Variants in RNF170 observed in about 807,000 individuals in gnomAD.
The protein encoded by RNF170 is ring finger protein 170.
A neutral mutation model predicts 32.7 loss-of-function variants in RNF170; 12 were observed. The ratio of observed to expected loss-of-function variants is 0.37; its 90% confidence interval spans 0.24 to 0.60. RNF170 has a LOEUF of 0.60. Ranked by LOEUF, RNF170 falls within the 20% of genes least tolerant of loss-of-function variation. The pLI, the probability that RNF170 is intolerant of heterozygous loss-of-function variation, is 0.72. For missense variants in RNF170, 212 were observed against 311.2 expected (o/e 0.68, Z 2.40); for synonymous variants, 91 against 103.6 (o/e 0.88, Z 0.74).
At chr8:42,888,317 G>A (rs952642285) in intron 1 of RNF170, among the ~76,000 whole-genome samples, 1 of 151,920 alleles carries the variant, frequency 6.6e-6, no homozygotes, top group African/African-American at 2.4e-5. Context: ...ACCTGCCTCG[G>A]CCTCCCAAAG....
chr8:42,875,030 G>T (rs1804808795), intron 2 of RNF170, among the ~76,000 whole-genome samples: 1 of 152,084 alleles, frequency 6.6e-6, no homozygotes, highest in Non-Finnish European at 1.5e-5. Context: ...AATTAGCCGG[G>T]CTTAGTGGCG....
intron 4 of RNF170, among the ~76,000 whole-genome samples, chr8:42,869,394 G>C (rs1288185406): frequency 6.6e-6 from 1 of 152,182 alleles, no homozygotes; most frequent in African/African-American, 2.4e-5. Flanking sequence ...GTGGTGGAAA[G>C]CACTCCTTCC....
chr8:42,876,657 G>GTTT (rs541650996), intron 2 of RNF170, among the ~76,000 whole-genome samples: 47 of 123,000 alleles, frequency 3.8e-4, no homozygotes, highest in African/African-American at 6.1e-4. Context: ...TTTTTTGTGG[G>GTTT]TTTTTTTTTT....
chr8:42,878,882 A>G (rs1463433330), intron 2 of RNF170, among the ~76,000 whole-genome samples: 4 of 152,202 alleles, frequency 2.6e-5, no homozygotes, highest in Non-Finnish European at 5.9e-5. Flanking sequence ...GTTGCAGCCA[A>G]TGCTCATTGA....
intron 2 of RNF170, among the ~76,000 whole-genome samples, chr8:42,879,696 C>T (rs1165945330): frequency 6.6e-6 from 1 of 150,688 alleles, no homozygotes; most frequent in East Asian, 1.9e-4. Flanking sequence ...TTTTTTGAGA[C>T]AGAGTCTCAC....
intron 5 of RNF170, among the ~76,000 whole-genome samples, chr8:42,864,825 G>A (rs1408715554): frequency 6.6e-6 from 1 of 151,580 alleles, no homozygotes; most frequent in Admixed American, 6.6e-5. Flanking sequence ...AAGTATATAT[G>A]CATATATAGA....
At chr8:42,892,197 T>G (rs1215863698) in intron 1 of RNF170, among the ~76,000 whole-genome samples, 11 of 152,196 alleles carry the variant, frequency 7.2e-5, no homozygotes, top group Admixed American at 7.2e-4. Flanking sequence ...TAAAATTTAT[T>G]TTTTGAGACA....
intron 3 of RNF170, among the ~76,000 whole-genome samples, chr8:42,872,141 T>C (rs1210097425): frequency 6.6e-6 from 1 of 152,198 alleles, no homozygotes; most frequent in Non-Finnish European, 1.5e-5. Context: ...CTCTGAGAGC[T>C]GTGTGCTGGG....
intron 2 of RNF170, among the ~76,000 whole-genome samples, chr8:42,878,251 C>T (rs984354809): frequency 6.6e-6 from 1 of 152,164 alleles, no homozygotes; most frequent in African/African-American, 2.4e-5. Context: ...TCTCTCACTT[C>T]ACATAAAACC....
Position 42,856,236 on chromosome 8 carries a change from A to C in RNF170, c.700T>G (p.Phe234Val). The C allele has an allele frequency of 6.2e-7, 1 of 1,611,044 alleles. No individual in the cohort carries two copies. Among genetic ancestry groups the C allele is most frequent in the South Asian group, 1.1e-5 (1 of 90,310 alleles). ...LFGILGFLDD[F>V]FVIFLLLIYI... is the part of the protein sequence containing the mutation. ...ATAAGCAATAAAAAGATGACAAAGA[A>C]ATCATCTAGAAAGCCTAGAATTCCA... The change falls in exon 7 of 7, where the codon TTC becomes GTC. Residue 234 changes from phenylalanine to valine, a missense_variant. Physicochemically the swap from Phe to Val is conservative, Grantham distance 50. This residue lies in a region of RNF170 where 97 missense variants were observed against 178.9 expected (regional missense o/e 0.54). Coordinates refer to ENST00000527424, the MANE Select transcript of RNF170 (RefSeq NM_030954.4).
chr8:42,892,506 CA>C (rs908758882), intron 1 of RNF170, among the ~76,000 whole-genome samples: 2 of 152,160 alleles, frequency 1.3e-5, no homozygotes, highest in African/African-American at 4.8e-5. Context: ...ACAGAATCCA[CA>C]AGTGACTACA....
At chr8:42,893,448 C>A (rs1231209662) in intron 1 of RNF170, among the ~76,000 whole-genome samples, 1 of 152,228 alleles carries the variant, frequency 6.6e-6, no homozygotes, top group African/African-American at 2.4e-5. Context: ...CAAACAAGCA[C>A]AAGTTCCAGA....
chr8:42,897,235 C>G, upstream of RNF170: 1 of 1,184,316 alleles, frequency 8.4e-7, no homozygotes, highest in South Asian at 4.3e-5. Flanking sequence ...CCCCCCGCCA[C>G]CTACCGGGAC....
chr8:42,886,933 C>T (rs1230794779), intron 2 of RNF170, among the ~76,000 whole-genome samples: 1 of 152,018 alleles, frequency 6.6e-6, no homozygotes, highest in Non-Finnish European at 1.5e-5. Flanking sequence ...TCGGGTGGTT[C>T]ACTTGAGGTC....
At chr8:42,850,397 C>T (rs543730470), downstream of RNF170, 57 of 244,468 alleles carry the variant, frequency 2.3e-4, 2 homozygotes, top group Admixed American at 1.6e-3. Context: ...CCTGGAAGGT[C>T]GCTGTGATCC....
At chr8:42,880,241 A>C (rs1048265071) in intron 2 of RNF170, among the ~76,000 whole-genome samples, 3 of 152,220 alleles carry the variant, frequency 2.0e-5, no homozygotes, top group Admixed American at 6.5e-5. Context: ...TCAAGATAGA[A>C]TCTAATCCTG....
intron 1 of RNF170, among the ~76,000 whole-genome samples, chr8:42,895,914 C>T (rs1806782472): frequency 6.6e-6 from 1 of 151,944 alleles, no homozygotes; most frequent in African/African-American, 2.4e-5. Context: ...TCCTGGGGTG[C>T]CGGTAATGCC....
At chr8:42,869,957 C>T in intron 4 of RNF170, 47 bp downstream of exon 4, 1 of 1,360,358 alleles carries the variant, frequency 7.4e-7, no homozygotes, top group Non-Finnish European at 1.1e-6. Flanking sequence ...ACATAGAGGT[C>T]TTGGTCTACA....
chr8:42,872,190 C>T (rs886815824), intron 3 of RNF170, among the ~76,000 whole-genome samples: 1 of 152,144 alleles, frequency 6.6e-6, no homozygotes, highest in African/African-American at 2.4e-5. Context: ...GACACTGCTG[C>T]AAGGAGACCT....
Sources: gnomAD v4.1 joint callset for allele counts (sites outside exome capture counted in the v4.1 genomes callset) on GRCh38, gnomAD v4.1.1 for gene constraint, gnomAD v4.1.1 regional missense constraint, MANE v1.5 for transcripts, NCBI Gene and HGNC (gene_info 2026-07-23, HGNC 2026-07-21) for gene names.